LMO7: variants seen among roughly 807,000 people sequenced by gnomAD.
LMO7 encodes LIM domain only protein 7.
LMO7 carries 120 observed loss-of-function variants against 206.5 expected under a neutral mutation model. The ratio of observed to expected loss-of-function variants is 0.58; its 90% CI spans 0.50 to 0.68. LMO7 has a LOEUF of 0.68. Among genes scored for constraint, LMO7 ranks in the 30% least tolerant of loss-of-function variants. LMO7 has a pLI of 0.00. For missense variants in LMO7, 1,959 were observed against 1,957.9 expected (o/e 1.00, Z -0.01); for synonymous variants, 706 against 681.5 (o/e 1.04, Z -0.56).
chr13:75,805,316 C>T (rs532452852), intron 8 of LMO7, 163 bp from the exon 9 acceptor site: 1 of 927,370 alleles, frequency 1.1e-6, no homozygotes, highest in African/African-American at 1.7e-5. Context: ...AAATGAGATG[C>T]TGTTATAATA....
chr13:75,841,293 C>T, intron 23 of LMO7, 92 bp downstream of exon 23: 1 of 797,052 alleles, frequency 1.3e-6, no homozygotes, highest in Non-Finnish European at 2.1e-6. Flanking sequence ...TTTTCTCCAC[C>T]TTTGACCATA....
chr13:75,820,685 G>C (rs2138367335), intron 13 of LMO7, among the ~76,000 whole-genome samples: 1 of 152,162 alleles, frequency 6.6e-6, no homozygotes, highest in East Asian at 1.9e-4. Context: ...TTTCTTAGTT[G>C]GGACATTAAA....
intron 4 of LMO7, among the ~76,000 whole-genome samples, chr13:75,786,377 CT>C (rs113210539): frequency 2.2e-3 from 304 of 139,986 alleles, no homozygotes; most frequent in Admixed American, 2.0e-3. Flanking sequence ...TTATTTTCTT[CT>C]TTTTTTTTTT....
chr13:75,679,384 A>G (rs1750164105), intron 1 of LMO7, among the ~76,000 whole-genome samples: 1 of 152,208 alleles, frequency 6.6e-6, no homozygotes, highest in African/African-American at 2.4e-5. Context: ...TTCTGTCTTC[A>G]TAGCCAGAGT....
intron 15 of LMO7, among the ~76,000 whole-genome samples, chr13:75,826,393 C>T (rs2138629901): frequency 6.6e-6 from 1 of 152,232 alleles, no homozygotes; most frequent in South Asian, 2.1e-4. Context: ...AGGCCCTTTT[C>T]CTATCAGTGC....
chr13:75,714,734 A>G (rs1325668565), intron 2 of LMO7, among the ~76,000 whole-genome samples: 2 of 152,200 alleles, frequency 1.3e-5, no homozygotes, highest in Admixed American at 6.5e-5. Flanking sequence ...ACATAGCCCA[A>G]CTGGTCACTA....
chr13:75,627,648 C>G (rs2034381025), intron 2 of LMO7: 1 of 152,082 alleles, frequency 6.6e-6, no homozygotes, highest in Non-Finnish European at 1.5e-5. Context: ...CTGGACTTGA[C>G]TATTTTTATC....
chr13:75,731,770 G>C (rs1441304912), intron 3 of LMO7, among the ~76,000 whole-genome samples: 7 of 152,142 alleles, frequency 4.6e-5, no homozygotes, highest in Non-Finnish European at 1.0e-4. Flanking sequence ...GCTGGTATCA[G>C]TTGTTCCTTT....
chr13:75,709,617 T>A (rs574032749), intron 1 of LMO7, among the ~76,000 whole-genome samples: 1 of 152,372 alleles, frequency 6.6e-6, no homozygotes, highest in African/African-American at 2.4e-5. Context: ...TGTCTGTTCA[T>A]ATCCTTTGCC....
intron 1 of LMO7, among the ~76,000 whole-genome samples, chr13:75,709,066 C>T (rs138160806): frequency 0.011 from 1,601 of 151,946 alleles, 36 homozygotes; most frequent in African/African-American, 0.036. Flanking sequence ...TTTGTCCTTG[C>T]GATAGTTTGC....
At chr13:75,664,195 G>C (rs2139301918) in intron 1 of LMO7, among the ~76,000 whole-genome samples, 1 of 151,806 alleles carries the variant, frequency 6.6e-6, no homozygotes, top group African/African-American at 2.4e-5. Flanking sequence ...GAGTTCAATT[G>C]TTTTAATTTT....
At chr13:75,674,129 T>A (rs1051177525) in intron 1 of LMO7, among the ~76,000 whole-genome samples, 41 of 152,244 alleles carry the variant, frequency 2.7e-4, no homozygotes, top group African/African-American at 9.6e-4. Context: ...TAATGTCCAT[T>A]TATTCCTTGG....
At chr13:75,625,030 C>A (rs2033845720) in intron 2 of LMO7, among the ~76,000 whole-genome samples, 1 of 152,166 alleles carries the variant, frequency 6.6e-6, no homozygotes, top group South Asian at 2.1e-4. Context: ...GGTTTCTCAG[C>A]CAGTAGGAAG....
In LMO7 at chr13:75,804,146, G is replaced by A. The variant is rs774174671; in HGVS notation, c.662-143G>A. 2.4e-5 allele frequency: 20 copies of A among 827,240 alleles called. No individual in the cohort carries two copies. In the South Asian group the frequency reaches 2.5e-4, roughly 10 times the overall value. 51.2% of individuals were successfully genotyped at this position (827,240 alleles called of 1,614,324 possible). On this transcript the variant is annotated intron_variant, in intron 7 of 30. Coordinates refer to ENST00000377534, the MANE Select transcript of LMO7 (RefSeq NM_001306080.2). ...TCCTAATGGATCTTATCACAACTTCGTGACAAATTTCTAAAAATATTCCCT... is the reference window on the plus strand; with the variant it reads ...TCCTAATGGATCTTATCACAACTTCATGACAAATTTCTAAAAATATTCCCT...
intron 4 of LMO7, among the ~76,000 whole-genome samples, chr13:75,775,654 A>T (rs2140149164): frequency 6.6e-6 from 1 of 152,298 alleles, no homozygotes; most frequent in East Asian, 1.9e-4. Context: ...ACTTGAACAG[A>T]CATTTTTCAA....
chr13:75,840,330 T>G (rs1409885937), intron 21 of LMO7, 61 bp from the exon 22 acceptor site: 7 of 1,581,684 alleles, frequency 4.4e-6, no homozygotes, highest in African/African-American at 1.3e-5. Context: ...AGTGGTTCAG[T>G]AGATGACTTA....
chr13:75,807,840 T>C lies in LMO7; in HGVS notation c.1557T>C (p.Val519=). The C allele has an allele frequency of 1.2e-6, 2 of 1,613,914 alleles. No individual in the cohort carries two copies. Among genetic ancestry groups the C allele is most frequent in the Non-Finnish European group, 1.7e-6 (2 of 1,179,864 alleles). ...ATTTGGAAAAAGATGATATGATTGT[T>C]CGCCGAATTCCAGCACAGAAGAAAG... is the stretch of plus-strand genomic sequence containing the variant. The part of the protein sequence containing the change: ...LPDLEKDDMI[V]RRIPAQKKEV... Residue 519 remains valine, a synonymous_variant, in exon 10 of 31, where the codon GTT becomes GTC. Transcript: ENST00000377534.
At chr13:75,639,198 T>C (rs1441430383) in intron 1 of LMO7, among the ~76,000 whole-genome samples, 1 of 152,190 alleles carries the variant, frequency 6.6e-6, no homozygotes, top group Non-Finnish European at 1.5e-5. Context: ...AACCAAAGTT[T>C]ATTTTTTAGA....
chr13:75,668,680 TC>T (rs965713775), intron 1 of LMO7, among the ~76,000 whole-genome samples: 49 of 152,136 alleles, frequency 3.2e-4, no homozygotes, highest in African/African-American at 9.7e-4. Flanking sequence ...TATACATTAG[TC>T]CCAAGTTTGT....
Sources: allele counts gnomAD v4.1 joint callset (sites outside exome capture counted in the v4.1 genomes callset), GRCh38; gene constraint gnomAD v4.1.1; transcripts MANE v1.5; gene names NCBI Gene and HGNC (gene_info 2026-07-23, HGNC 2026-07-21).